TMEM232: variants seen among roughly 807,000 people sequenced by gnomAD.
The protein encoded by TMEM232 is transmembrane protein 232.
TMEM232 carries 80 observed loss-of-function variants against 78.8 expected under a neutral mutation model. That is an observed-to-expected ratio of 1.01 (90% confidence interval 0.85 to 1.22). The LOEUF is 1.22. TMEM232 is among the 50% of genes most tolerant of loss of function. The probability of loss-of-function intolerance (pLI) is 0.00; values close to 1 mark genes in which losing one functional copy is unlikely to be tolerated. For synonymous variants in TMEM232, 297 were observed against 254.3 expected, an observed-to-expected ratio of 1.17 and a Z score of -1.60; for missense variants, 881 against 742.2, an observed-to-expected ratio of 1.19 and a Z score of -2.17.
rs575629579 is a variant in TMEM232, at chr5:110,634,581, A to G, written c.501+3617T>C. 3.3e-5 allele frequency among the ~76,000 whole-genome samples: 5 copies of G among 152,158 alleles called. No homozygotes were observed. The South Asian group carries it at 1.0e-3, about 32-fold the overall frequency. On this transcript the variant is annotated intron_variant, in intron 5 of 13. Transcript: ENST00000455884. ...TAAAAATACATGGAAATTAAACAAC[A>G]TGTTTCTGAACAACCACTGGGTCAA...
chr5:110,436,374 A>C (rs1307552019), intron 12 of TMEM232, among the ~76,000 whole-genome samples: 2 of 151,936 alleles, frequency 1.3e-5, no homozygotes, highest in African/African-American at 4.8e-5. Context: ...GCCACATGGT[A>C]GTTTGCAAAT....
chr5:110,728,479 C>T (rs1332741216), upstream of TMEM232, among the ~76,000 whole-genome samples: 1 of 151,572 alleles, frequency 6.6e-6, no homozygotes, highest in African/African-American at 2.4e-5. Flanking sequence ...AAGCTTAAAA[C>T]AGGAAATAAT....
chr5:110,620,234 T>C (rs891831695), intron 7 of TMEM232, among the ~76,000 whole-genome samples: 2 of 152,196 alleles, frequency 1.3e-5, no homozygotes, highest in African/African-American at 2.4e-5. Flanking sequence ...TGACATACTA[T>C]TACAAGCTGG....
chr5:110,397,000 C>G (rs537827014), intron 3 of TMEM232, among the ~76,000 whole-genome samples: 3 of 152,252 alleles, frequency 2.0e-5, no homozygotes, highest in Admixed American at 1.3e-4. Flanking sequence ...CTCTTTATCT[C>G]TGATTCTGGC....
chr5:110,457,910 G>A (rs1003411172), intron 12 of TMEM232, among the ~76,000 whole-genome samples: 12 of 151,972 alleles, frequency 7.9e-5, no homozygotes, highest in Non-Finnish European at 1.8e-4. Context: ...TATATGTAAT[G>A]TAATATAGTA....
chr5:110,678,694 A>C, intron 1 of TMEM232, among the ~76,000 whole-genome samples: 2 of 149,374 alleles, frequency 1.3e-5, no homozygotes, highest in African/African-American at 2.5e-5. Flanking sequence ...CAGCACCCCG[A>C]CCCCCCACCA....
At chr5:110,528,975 T>C in intron 11 of TMEM232, 140 bp from the exon 12 acceptor site, 1 of 926,474 alleles carries the variant, frequency 1.1e-6, no homozygotes, top group Non-Finnish European at 1.4e-6. Context: ...AAATAATCTT[T>C]ATAAAAAAAT....
intron 11 of TMEM232, among the ~76,000 whole-genome samples, chr5:110,543,074 T>A (rs762909308): frequency 1.3e-5 from 2 of 152,184 alleles, no homozygotes; most frequent in African/African-American, 2.4e-5. Flanking sequence ...CTTGTTTTGT[T>A]TGTGCATTTT....
rs1028286964 is a variant in TMEM232, at chr5:110,641,850, C to T, written c.237+410G>A. Among the ~76,000 whole-genome samples, 14 of 151,986 alleles carry T rather than the reference C, an allele frequency of 9.2e-5. No individual in the cohort carries two copies. The East Asian group carries it at 1.9e-3, about 21-fold the overall frequency. ...TTGGGGATTAATGTCATATTCTTAACGAATGTATTTTTCACAAGTTAGGTG... is the reference window on the plus strand; with the variant it reads ...TTGGGGATTAATGTCATATTCTTAATGAATGTATTTTTCACAAGTTAGGTG... On this transcript the variant is annotated intron_variant, in intron 3 of 13. Coordinates refer to ENST00000455884, the MANE Select transcript of TMEM232 (RefSeq NM_001039763.4).
chr5:110,537,335 C>T (rs1023524802), intron 11 of TMEM232, among the ~76,000 whole-genome samples: 19 of 151,498 alleles, frequency 1.3e-4, no homozygotes, highest in African/African-American at 4.1e-4. Flanking sequence ...TATGAGCTGC[C>T]CAGCCTGGAA....
intron 12 of TMEM232, among the ~76,000 whole-genome samples, chr5:110,499,844 AAT>A (rs1481715244): frequency 6.6e-6 from 1 of 152,182 alleles, no homozygotes; most frequent in African/African-American, 2.4e-5. Flanking sequence ...AAAATTTTAA[AAT>A]ATAGTCAATA....
intron 2 of TMEM232, among the ~76,000 whole-genome samples, chr5:110,645,649 C>G (rs1580483475): frequency 6.6e-6 from 1 of 151,680 alleles, no homozygotes; most frequent in East Asian, 1.9e-4. Flanking sequence ...AACTTTGCCT[C>G]TAAGACACTA....
intron 12 of TMEM232, among the ~76,000 whole-genome samples, chr5:110,525,388 T>C (rs1469386545): frequency 6.6e-6 from 1 of 151,918 alleles, no homozygotes; most frequent in African/African-American, 2.4e-5. Context: ...AAGCAATAGC[T>C]TTGAAAATAT....
chr5:110,598,208 T>C (rs1449324484), intron 10 of TMEM232, among the ~76,000 whole-genome samples: 1 of 151,896 alleles, frequency 6.6e-6, no homozygotes, highest in Non-Finnish European at 1.5e-5. Context: ...AGAATATGAA[T>C]AGACATTTCT....
At chr5:110,534,050 G>A (rs988380541) in intron 11 of TMEM232, among the ~76,000 whole-genome samples, 2 of 152,104 alleles carry the variant, frequency 1.3e-5, no homozygotes, top group African/African-American at 4.8e-5. Flanking sequence ...GCCCAGGACT[G>A]GCAAATTAGC....
chr5:110,715,581 T>C (rs1375332104), intron 1 of TMEM232, among the ~76,000 whole-genome samples: 2 of 152,302 alleles, frequency 1.3e-5, no homozygotes, highest in Middle Eastern at 3.4e-3. Flanking sequence ...ATTACATTAA[T>C]ACATTTTCTA....
At chr5:110,676,507 G>C (rs534140115) in intron 1 of TMEM232, among the ~76,000 whole-genome samples, 1 of 151,656 alleles carries the variant, frequency 6.6e-6, no homozygotes, top group East Asian at 2.0e-4. Context: ...CTGGGCTTAA[G>C]CGATCCTCCC....
intron 7 of TMEM232, among the ~76,000 whole-genome samples, chr5:110,623,259 G>A (rs896413953): frequency 1.3e-5 from 2 of 151,516 alleles, no homozygotes; most frequent in Admixed American, 6.6e-5. Flanking sequence ...CTAATGTATC[G>A]TAATATCCTA....
At chr5:110,483,335 C>G (rs1197821135) in intron 12 of TMEM232, among the ~76,000 whole-genome samples, 1 of 152,074 alleles carries the variant, frequency 6.6e-6, no homozygotes, top group Admixed American at 6.6e-5. Context: ...ACATCTCACA[C>G]AACTCTGAAT....
Sources: allele counts gnomAD v4.1 joint callset (sites outside exome capture counted in the v4.1 genomes callset), GRCh38; gene constraint gnomAD v4.1.1; transcripts MANE v1.5; gene names NCBI Gene and HGNC (gene_info 2026-07-23, HGNC 2026-07-21).